The following DPF3 variants were observed in gnomAD, a reference collection of about 807,000 sequenced individuals.
DPF3 encodes the protein zinc finger protein DPF3.
Under a neutral mutation model 56.8 loss-of-function variants are expected in DPF3, and 18 were observed. The observed-to-expected ratio is 0.32, with a 90% CI of 0.22 to 0.47. The LOEUF is 0.47. Ranked by LOEUF, DPF3 falls within the 20% of genes least tolerant of loss-of-function variation. The pLI is 1.00. For synonymous variants in DPF3, 188 were observed against 180.2 expected (o/e 1.04, Z -0.35); for missense variants, 403 against 488.8 (o/e 0.82, Z 1.65).
chr14:72,848,563 A>G (rs1162983737), intron 1 of DPF3, among the ~76,000 whole-genome samples: 2 of 152,162 alleles, frequency 1.3e-5, no homozygotes, highest in Non-Finnish European at 2.9e-5. Context: ...TATTCTATTC[A>G]ACATCTCCAG....
chr14:72,764,044 G>A (rs1346567166), intron 2 of DPF3, among the ~76,000 whole-genome samples: 1 of 152,176 alleles, frequency 6.6e-6, no homozygotes, highest in Admixed American at 6.5e-5. Context: ...GCATCTCCAA[G>A]TGATGTGTCT....
intron 3 of DPF3, among the ~76,000 whole-genome samples, chr14:72,752,851 G>A (rs919461418): frequency 6.6e-6 from 1 of 152,160 alleles, no homozygotes; most frequent in African/African-American, 2.4e-5. Flanking sequence ...ACAGGGTAAG[G>A]GGTAGAGGGT....
chr14:72,636,493 CT>C (rs1885387042), intron 8 of DPF3, among the ~76,000 whole-genome samples: 1 of 152,158 alleles, frequency 6.6e-6, no homozygotes, highest in Non-Finnish European at 1.5e-5. Context: ...TTCCCTCCCC[CT>C]CTCTTCATGC....
At chr14:72,859,162 T>C (rs1484163589) in intron 1 of DPF3, among the ~76,000 whole-genome samples, 1 of 152,168 alleles carries the variant, frequency 6.6e-6, no homozygotes, top group Non-Finnish European at 1.5e-5. Flanking sequence ...AAGTAATCTC[T>C]AGTGTGAGAG....
At chr14:72,625,437 T>C (rs1029199267) in intron 9 of DPF3, among the ~76,000 whole-genome samples, 1 of 152,252 alleles carries the variant, frequency 6.6e-6, no homozygotes, top group African/African-American at 2.4e-5. Flanking sequence ...TTTCATTTTT[T>C]GAACACTTCC....
intron 3 of DPF3, among the ~76,000 whole-genome samples, chr14:72,748,173 T>C (rs1890404869): frequency 6.6e-6 from 1 of 152,206 alleles, no homozygotes; most frequent in South Asian, 2.1e-4. Flanking sequence ...CAAATGCTGA[T>C]AGTGATATGG....
intron 5 of DPF3, among the ~76,000 whole-genome samples, chr14:72,721,192 G>A (rs750051028): frequency 1.4e-4 from 21 of 152,200 alleles, no homozygotes; most frequent in Non-Finnish European, 2.1e-4. Context: ...GGTAGCTCTT[G>A]TTATACAGAG....
chr14:72,640,569 AT>A (rs1486966554), intron 8 of DPF3, among the ~76,000 whole-genome samples: 2 of 152,216 alleles, frequency 1.3e-5, no homozygotes, highest in Non-Finnish European at 2.9e-5. Flanking sequence ...AGGAGGAAAC[AT>A]TTGAGAGGTA....
At chr14:72,649,709 G>A (rs1310885428) in intron 8 of DPF3, among the ~76,000 whole-genome samples, 2 of 151,754 alleles carry the variant, frequency 1.3e-5, no homozygotes, top group Admixed American at 6.6e-5. Context: ...TTTATGAGGC[G>A]CTTCCTATGT....
intron 1 of DPF3, among the ~76,000 whole-genome samples, chr14:72,807,463 GC>G (rs1221143257): frequency 1.3e-5 from 2 of 152,110 alleles, no homozygotes; most frequent in Non-Finnish European, 2.9e-5. Flanking sequence ...CTCTGATACT[GC>G]CCCTTTGACT....
intron 3 of DPF3, among the ~76,000 whole-genome samples, chr14:72,745,229 C>T (rs1032964534): frequency 6.6e-6 from 1 of 152,062 alleles, no homozygotes; most frequent in African/African-American, 2.4e-5. Context: ...AAGTTTTGCC[C>T]AGAGGATTAT....
In DPF3 at chr14:72,892,546, G is replaced by C. The variant is rs77491498; in HGVS notation, c.32+1511C>G. 9.6e-4 allele frequency: 1,323 copies of C among 1,382,796 alleles called. 17 individuals are homozygous for C. The African/African-American group carries it at 0.018, about 19-fold the overall frequency. 85.7% of individuals were successfully genotyped at this position (1,382,796 alleles called of 1,614,324 possible). A position where few individuals can be genotyped will look rare whatever the true frequency, so the allele number is the denominator to read the frequency against. ...ATGGGCGACGAGCTGGCGCAAACAC[G>C]TCCGATTCTCCCTGTGCATTCCTTT... On this transcript the variant is annotated intron_variant, in intron 1 of 10. Transcript: ENST00000556509.
At chr14:72,873,895 G>A (rs1397346500) in intron 1 of DPF3, among the ~76,000 whole-genome samples, 14 of 151,564 alleles carry the variant, frequency 9.2e-5, no homozygotes, top group African/African-American at 1.7e-4. Context: ...GACACAGGAC[G>A]GGGAACATCA....
chr14:72,687,005 G>C (rs1165149142), intron 7 of DPF3, among the ~76,000 whole-genome samples: 1 of 152,208 alleles, frequency 6.6e-6, no homozygotes, highest in Admixed American at 6.5e-5. Flanking sequence ...CCAACAGTGT[G>C]GCAATGACAT....
intron 1 of DPF3, among the ~76,000 whole-genome samples, chr14:72,801,774 T>C (rs1254016339): frequency 6.6e-6 from 1 of 152,122 alleles, no homozygotes; most frequent in Non-Finnish European, 1.5e-5. Context: ...GGATATGCTG[T>C]CCTGAACACA....
At chr14:72,810,873 C>A (rs1021062723) in intron 1 of DPF3, among the ~76,000 whole-genome samples, 2 of 152,200 alleles carry the variant, frequency 1.3e-5, no homozygotes, top group Admixed American at 6.5e-5. Context: ...GAGCCCTAAT[C>A]TTACAGGACT....
chr14:72,817,536 T>C (rs983177194), intron 1 of DPF3, among the ~76,000 whole-genome samples: 2 of 152,080 alleles, frequency 1.3e-5, no homozygotes, highest in Non-Finnish European at 2.9e-5. Context: ...TAGCCAGGCA[T>C]GGTGGCGCAA....
chr14:72,708,713 G>A lies in DPF3; in HGVS notation c.604+5710C>T, dbSNP rs150648228. Among the ~76,000 whole-genome samples the A allele has an allele frequency of 2.6e-5, 4 of 152,308 alleles. No individual in the cohort carries two copies. In the East Asian group the frequency reaches 7.7e-4, roughly 29 times the overall value. The stretch of plus-strand genomic sequence containing the variant: ...CAAGCAGATTTTCTGGGACTGCCTT[G>A]GGCTCAAGCTTTTGTCTGTCCAGTC... On this transcript the variant is annotated intron_variant, in intron 6 of 10. Transcript: ENST00000556509.
intron 8 of DPF3, among the ~76,000 whole-genome samples, chr14:72,665,811 T>C (rs548201055): frequency 1.3e-5 from 2 of 152,370 alleles, no homozygotes; most frequent in East Asian, 1.9e-4. Context: ...TTGTGATCAT[T>C]GTACTGTGGT....
Sources: allele counts gnomAD v4.1 joint callset (sites outside exome capture counted in the v4.1 genomes callset), GRCh38; gene constraint gnomAD v4.1.1; transcripts MANE v1.5; gene names NCBI Gene and HGNC (gene_info 2026-07-23, HGNC 2026-07-21).